EFHC1: variants seen among roughly 807,000 people sequenced by gnomAD.
EFHC1 encodes the protein EF-hand domain-containing protein 1.
Under a neutral mutation model 69.9 loss-of-function variants are expected in EFHC1, and 53 were observed. The ratio of observed to expected loss-of-function variants is 0.76; its 90% CI spans 0.61 to 0.95. The LOEUF (loss-of-function observed/expected upper bound fraction) is 0.95. Ranked by LOEUF, EFHC1 falls within the 40% of genes least tolerant of loss-of-function variation. EFHC1 has a pLI of 0.00. For synonymous variants in EFHC1, 256 were observed against 278.4 expected (o/e 0.92, Z 0.80); for missense variants, 739 against 798.7 (o/e 0.93, Z 0.90).
chr6:52,468,919 A>G (rs1765372836), intron 6 of EFHC1: 3 of 222,640 alleles, frequency 1.3e-5, no homozygotes, highest in Non-Finnish European at 2.7e-5. Context: ...TCTGTTATGG[A>G]TGGTACTAGG....
Position 52,421,173 on chromosome 6 carries a change from C to A in EFHC1, c.63+700C>A, listed in dbSNP as rs989123204. 3.2e-5 allele frequency: 17 copies of A among 523,244 alleles called. No homozygotes were observed. In the South Asian group the frequency reaches 1.1e-3, roughly 35 times the overall value. The allele number at this position is 523,244 out of a possible 1,614,324, so 32.4% of individuals were successfully genotyped here. On this transcript the variant is annotated intron_variant, in intron 1 of 10. Coordinates refer to ENST00000371068, the MANE Select transcript of EFHC1 (RefSeq NM_018100.4). ...CCATCCTCTCCCCATTCCTTTCTTTCTCCGTTGCGGGTTTTCCCCAAAACT... is the reference window on the plus strand; with the variant it reads ...CCATCCTCTCCCCATTCCTTTCTTTATCCGTTGCGGGTTTTCCCCAAAACT...
At chr6:52,468,680 A>C (rs1765367221) in intron 6 of EFHC1, 2 of 153,684 alleles carry the variant, frequency 1.3e-5, no homozygotes, top group East Asian at 1.9e-4. Flanking sequence ...GATGCTTAGC[A>C]TGTAGGCCGT....
intron 2 of EFHC1, among the ~76,000 whole-genome samples, chr6:52,433,661 C>G (rs1015142196): frequency 6.6e-6 from 1 of 152,124 alleles, no homozygotes; most frequent in Admixed American, 6.5e-5. Context: ...GGTCTCCTGC[C>G]AGGAGGTGGT....
rs537411035 is a variant in EFHC1, at chr6:52,479,496, A to C, written c.1493-144A>C. 68 of 1,281,998 alleles carry C rather than the reference A, an allele frequency of 5.3e-5. No homozygotes were observed. The Admixed American group carries it at 7.3e-4, about 14-fold the overall frequency. The allele number at this position is 1,281,998 out of a possible 1,614,324, so 79.4% of individuals were successfully genotyped here. A position where few individuals can be genotyped will look rare whatever the true frequency, so the allele number is the denominator to read the frequency against. On this transcript the variant is annotated intron_variant, in intron 8 of 10. Coordinates refer to ENST00000371068, the MANE Select transcript of EFHC1 (RefSeq NM_018100.4). The stretch of plus-strand genomic sequence containing the variant: ...GTAAATACTGAGCAAACGACTGCAT[A>C]TTAGTATGTCGTTTAAAGAAAGCTC...
At chr6:52,453,927 T>C (rs750030342) in intron 4 of EFHC1, 168 bp from the exon 5 acceptor site, 76 of 1,486,180 alleles carry the variant, frequency 5.1e-5, no homozygotes, top group Non-Finnish European at 6.8e-5. Context: ...ATTTCAGATG[T>C]TTTAGTATGT....
chr6:52,470,929 A>G (rs978125864), intron 7 of EFHC1, among the ~76,000 whole-genome samples: 4 of 152,266 alleles, frequency 2.6e-5, no homozygotes, highest in African/African-American at 4.8e-5. Flanking sequence ...TAAAGCATTT[A>G]CAGAGAACTT....
intron 3 of EFHC1, among the ~76,000 whole-genome samples, chr6:52,447,080 C>G (rs1187694642): frequency 6.6e-6 from 1 of 152,170 alleles, no homozygotes; most frequent in African/African-American, 2.4e-5. Flanking sequence ...GTGGCATTCT[C>G]TGTATTTCCT....
At chr6:52,483,741 G>A (rs1419297916) in intron 9 of EFHC1, 1 of 152,162 alleles carries the variant, frequency 6.6e-6, no homozygotes, top group East Asian at 1.9e-4. Context: ...TGTCTGAGCC[G>A]AGCCTCCAGA....
At chr6:52,453,174 A>G (rs1054821366) in intron 4 of EFHC1, 17 of 1,331,106 alleles carry the variant, frequency 1.3e-5, no homozygotes, top group Admixed American at 4.5e-5. Context: ...AGCTAATTTC[A>G]TAGACTCCTT....
intron 3 of EFHC1, among the ~76,000 whole-genome samples, chr6:52,446,653 C>G (rs1764793520): frequency 6.6e-6 from 1 of 152,092 alleles, no homozygotes; most frequent in South Asian, 2.1e-4. Flanking sequence ...TTCTTCCTAG[C>G]ATTGATGGTT....
intron 5 of EFHC1, 98 bp from the exon 6 acceptor site, chr6:52,464,797 C>T: frequency 3.0e-6 from 3 of 1,006,388 alleles, no homozygotes; most frequent in Middle Eastern, 2.6e-4. Flanking sequence ...AAAGACTGCA[C>T]TCCCTCAGGT....
chr6:52,462,352 AAGTT>A (rs1562456092), intron 5 of EFHC1, among the ~76,000 whole-genome samples: 1 of 152,008 alleles, frequency 6.6e-6, no homozygotes, highest in Admixed American at 6.5e-5. Context: ...AGATGACAAT[AAGTT>A]AGGCATATTT....
In EFHC1 at chr6:52,443,649, C is replaced by G. The variant is rs138476368; in HGVS notation, c.573+5058C>G. ...TCTGTTCTGTTCCATTGGTCTATATCTCTGTTTTGGTACCAGTACCATGTT... is the reference window on the plus strand; with the variant it reads ...TCTGTTCTGTTCCATTGGTCTATATGTCTGTTTTGGTACCAGTACCATGTT... On this transcript the variant is annotated intron_variant, in intron 3 of 10. Transcript: ENST00000371068. 5.6e-3 allele frequency among the ~76,000 whole-genome samples: 845 copies of G among 151,730 alleles called. 8 individuals carry two copies. The highest frequency in any genetic ancestry group is 0.019 in the African/African-American group (794 of 41,046).
At position 52,494,770 on chromosome 6, in the gene EFHC1, C is replaced by T. The variant is rs927510539; in HGVS notation, c.*2429C>T. On this transcript the variant is annotated 3_prime_UTR_variant, in exon 11 of 11. Coordinates refer to ENST00000371068, the MANE Select transcript of EFHC1 (RefSeq NM_018100.4). ...GTCTATGTGTATTCAATGTTTAGCT[C>T]CCACTTAGAAGTAAGAACATGCAAT... The T allele has an allele frequency of 4.4e-6, 2 of 452,186 alleles. No individual in the cohort carries two copies. The highest frequency in any genetic ancestry group is 2.0e-5 in the African/African-American group (1 of 49,938). The allele number at this position is 452,186 out of a possible 1,614,324, so 28.0% of individuals were successfully genotyped here. A position where few individuals can be genotyped will look rare whatever the true frequency, so the allele number is the denominator to read the frequency against.
chr6:52,431,548 C>T (rs565326018), intron 2 of EFHC1, among the ~76,000 whole-genome samples: 1 of 152,190 alleles, frequency 6.6e-6, no homozygotes, highest in African/African-American at 2.4e-5. Context: ...AATTTTATTC[C>T]ACTATGGTCT....
intron 3 of EFHC1, among the ~76,000 whole-genome samples, chr6:52,450,324 T>C (rs1764887548): frequency 6.6e-6 from 1 of 152,212 alleles, no homozygotes; most frequent in Non-Finnish European, 1.5e-5. Flanking sequence ...TCACATCCAT[T>C]TGGTCCAATG....
At chr6:52,442,127 C>G (rs1764678237) in intron 3 of EFHC1, among the ~76,000 whole-genome samples, 1 of 152,046 alleles carries the variant, frequency 6.6e-6, no homozygotes, top group Admixed American at 6.6e-5. Flanking sequence ...GCCAAGACTT[C>G]CAATATTGTC....
chr6:52,453,248 T>A (rs1184766374), intron 4 of EFHC1: 1 of 1,289,114 alleles, frequency 7.8e-7, no homozygotes, highest in Non-Finnish European at 1.0e-6. Flanking sequence ...GTTGTAATGT[T>A]AAAATGTTTA....
chr6:52,493,365 C>CATATATATATATAGATATATAT lies in EFHC1; in HGVS notation c.*1037_*1038insGATATATATATATATATATATA, dbSNP rs1765956190. ...ATAACTCTCTCTTTCTCTCTCTCTA[C>CATATATATATATAGATATATAT]ATATATATATATATATATATTTTAT... On this transcript the variant is annotated 3_prime_UTR_variant, in exon 11 of 11. Coordinates refer to ENST00000371068, the MANE Select transcript of EFHC1 (RefSeq NM_018100.4). 6.1e-6 allele frequency: 1 copy of CATATATATATATAGATATATAT among 163,078 alleles called. No homozygotes were observed. The highest frequency in any genetic ancestry group is 1.2e-5 in the Non-Finnish European group (1 of 84,704). 10.1% of individuals were successfully genotyped at this position (163,078 alleles called of 1,614,324 possible). A position where few individuals can be genotyped will look rare whatever the true frequency, so the allele number is the denominator to read the frequency against.
Sources: allele counts gnomAD v4.1 joint callset (sites outside exome capture counted in the v4.1 genomes callset), GRCh38; gene constraint gnomAD v4.1.1; transcripts MANE v1.5; gene names NCBI Gene and HGNC (gene_info 2026-07-23, HGNC 2026-07-21).